NDRG4: variants seen among roughly 807,000 people sequenced by gnomAD.
NDRG4 encodes the protein protein NDRG4.
In NDRG4, 38 loss-of-function variants were observed where a neutral mutation model predicts 55.8. That is an observed-to-expected ratio of 0.68 (90% CI 0.53 to 0.89). The LOEUF is 0.89. NDRG4 is among the 40% of genes least tolerant of loss of function. The probability of loss-of-function intolerance (pLI) is 0.00; values close to 1 mark genes in which losing one functional copy is unlikely to be tolerated. For synonymous variants in NDRG4, 190 were observed against 182.7 expected (o/e 1.04, Z -0.32); for missense variants, 455 against 468.6 (o/e 0.97, Z 0.27).
intron 2 of NDRG4, among the ~76,000 whole-genome samples, chr16:58,488,676 A>T (rs1301894230): frequency 6.6e-6 from 1 of 151,900 alleles, no homozygotes; most frequent in Non-Finnish European, 1.5e-5. Flanking sequence ...CCAGGAGGGG[A>T]GCCCAGGAGC....
intron 2 of NDRG4, among the ~76,000 whole-genome samples, chr16:58,489,958 C>T (rs1383799511): frequency 1.3e-5 from 2 of 152,188 alleles, no homozygotes; most frequent in Non-Finnish European, 2.9e-5. Context: ...GATCCTCCTG[C>T]CTCAGCCTCC....
chr16:58,504,142 G>T lies in NDRG4; in HGVS notation c.128-12G>T, dbSNP rs2037532493. ...CCCTCTGCTCAGCCATAGTGGAAGT[G>T]TGTCTTTGCAGACAAACTATGCTTC... On this transcript the variant is annotated splice_polypyrimidine_tract_variant and intron_variant, in intron 2 of 14. Coordinates refer to ENST00000570248, the MANE Select transcript of NDRG4 (RefSeq NM_001242835.2). The T allele has an allele frequency of 5.0e-6, 8 of 1,613,920 alleles. No individual in the cohort carries two copies. Among genetic ancestry groups the T allele is most frequent in the Non-Finnish European group, 6.8e-6 (8 of 1,180,026 alleles).
In NDRG4 at chr16:58,506,492, G is replaced by T. The variant is rs2038030335; in HGVS notation, c.459+19G>T. The T allele has an allele frequency of 1.9e-6, 3 of 1,607,814 alleles. No homozygotes were observed. The highest frequency in any genetic ancestry group is 1.7e-5 in the Admixed American group (1 of 57,924). On this transcript the variant is annotated intron_variant, in intron 6 of 14. Transcript: ENST00000570248. The stretch of plus-strand genomic sequence containing the variant: ...CACCAAGGTGTGTGTGGTGACCGGG[G>T]GTGGGGTGGGTATACCTAGGGTGGG...
chr16:58,512,333 CTG>C lies in NDRG4; in HGVS notation c.*758_*759del, dbSNP rs1491447996. 9.0e-6 allele frequency: 3 copies of C among 332,594 alleles called. No individual in the cohort carries two copies. The highest frequency in any genetic ancestry group is 1.8e-5 in the Non-Finnish European group (3 of 170,076). The allele number at this position is 332,594 out of a possible 1,614,324, so 20.6% of individuals were successfully genotyped here. A position where few individuals can be genotyped will look rare whatever the true frequency, so the allele number is the denominator to read the frequency against. On this transcript the variant is annotated 3_prime_UTR_variant, in exon 15 of 15. Coordinates refer to ENST00000570248, the MANE Select transcript of NDRG4 (RefSeq NM_001242835.2). ...GTCCTCTGTCCCCACAGTGACCTGA[CTG>C]GGGGTGAGGGAGAAGGAGGAGAGAG...
chr16:58,482,817 T>G (rs1232971959), intron 1 of NDRG4, among the ~76,000 whole-genome samples: 1 of 151,300 alleles, frequency 6.6e-6, no homozygotes, highest in East Asian at 1.9e-4. Flanking sequence ...TTTCTTTCTT[T>G]TGACAGAGTC....
chr16:58,490,631 A>G (rs930699616), intron 2 of NDRG4, among the ~76,000 whole-genome samples: 11 of 152,142 alleles, frequency 7.2e-5, no homozygotes, highest in Non-Finnish European at 1.5e-4. Context: ...GAGTCAGCAC[A>G]GGCCCCATGC....
At chr16:58,483,112 C>A (rs1259471915) in intron 1 of NDRG4, among the ~76,000 whole-genome samples, 1 of 152,070 alleles carries the variant, frequency 6.6e-6, no homozygotes, top group East Asian at 1.9e-4. Flanking sequence ...AACACCCCCA[C>A]CATCTCCTAC....
chr16:58,471,186 CTTTTTTT>C lies in NDRG4; in HGVS notation c.-24+7409_-24+7415del, dbSNP rs528375397. Among the ~76,000 whole-genome samples, 67 of 67,078 alleles carry C rather than the reference CTTTTTTT, an allele frequency of 1.0e-3. 1 individual carries two copies. The highest frequency in any genetic ancestry group is 3.5e-3 in the African/African-American group (62 of 17,670). 44.0% of individuals were successfully genotyped at this position (67,078 alleles called of 152,430 possible). On this transcript the variant is annotated intron_variant, in intron 1 of 15. Transcript: ENST00000258187. ...ACTATAAGAGAATGAATGTGTGTTG[CTTTTTTT>C]TTTTTTTTTTTTTTTTTTTGGAGAC...
chr16:58,464,197 G>A lies in NDRG4; in HGVS notation c.-24+400G>A, dbSNP rs1309532210. ...AGTTCACCGGGACCAGGTGGCGGCG[G>A]GTGCCTTTTTGGGGGTGCGCGGCCA... On this transcript the variant is annotated intron_variant, in intron 1 of 15. Transcript: ENST00000258187. The surrounding 1 kb of genome is among the most constrained non-coding windows in gnomAD (Gnocchi z 4.8). 2.6e-6 allele frequency: 1 copy of A among 387,526 alleles called. No individual in the cohort carries two copies. The highest frequency in any genetic ancestry group is 3.7e-5 in the East Asian group (1 of 26,880). The allele number at this position is 387,526 out of a possible 1,614,324, so 24.0% of individuals were successfully genotyped here. A position where few individuals can be genotyped will look rare whatever the true frequency, so the allele number is the denominator to read the frequency against.
intron 5 of NDRG4, among the ~76,000 whole-genome samples, chr16:58,505,708 A>ATTTTTTTTTTTTTTT (rs869263659): frequency 9.9e-5 from 7 of 70,626 alleles, no homozygotes; most frequent in African/African-American, 3.7e-4. Flanking sequence ...TGAGGGCTTC[A>ATTTTTTTTTTTTTTT]TTTTCTTTTT....
At chr16:58,468,158 G>C (rs1020393207) in intron 1 of NDRG4, among the ~76,000 whole-genome samples, 3 of 152,222 alleles carry the variant, frequency 2.0e-5, no homozygotes, top group Non-Finnish European at 4.4e-5. Context: ...CCCATGGGTT[G>C]TCATGCCCAG....
intron 10 of NDRG4, among the ~76,000 whole-genome samples, chr16:58,508,719 C>G (rs1258282500): frequency 6.6e-6 from 1 of 152,222 alleles, no homozygotes; most frequent in Non-Finnish European, 1.5e-5. Flanking sequence ...ACTCCCACTC[C>G]TAGCAGTTGT....
At chr16:58,502,853 CCCAT>C (rs2037340168) in intron 1 of NDRG4, among the ~76,000 whole-genome samples, 1 of 152,184 alleles carries the variant, frequency 6.6e-6, no homozygotes, top group African/African-American at 2.4e-5. Context: ...TTGAAGTTTG[CCCAT>C]CCGAGTGGCT....
At chr16:58,478,791 G>T (rs1274231455) in intron 1 of NDRG4, among the ~76,000 whole-genome samples, 3 of 148,016 alleles carry the variant, frequency 2.0e-5, no homozygotes, top group African/African-American at 5.0e-5. Context: ...ACTGGCAGTG[G>T]TTTTTTTTTC....
At chr16:58,483,438 C>A (rs2034705624) in intron 1 of NDRG4, among the ~76,000 whole-genome samples, 1 of 152,096 alleles carries the variant, frequency 6.6e-6, no homozygotes, top group Non-Finnish European at 1.5e-5. Context: ...AACTGAAATG[C>A]AATTCCTCTT....
At chr16:58,468,825 C>T (rs181187945) in intron 1 of NDRG4, among the ~76,000 whole-genome samples, 1 of 152,322 alleles carries the variant, frequency 6.6e-6, no homozygotes, top group Admixed American at 6.5e-5. Flanking sequence ...TTCCTGGTGC[C>T]TTCGGTAGCC....
chr16:58,510,754 G>C, intron 14 of NDRG4, 71 bp downstream of exon 14: 5 of 1,383,072 alleles, frequency 3.6e-6, no homozygotes, highest in Middle Eastern at 1.7e-4. Flanking sequence ...CCTCTGCGCA[G>C]TGTGCTGCAG....
At chr16:58,482,390 C>T (rs1351011852) in intron 1 of NDRG4, among the ~76,000 whole-genome samples, 1 of 152,122 alleles carries the variant, frequency 6.6e-6, no homozygotes, top group Non-Finnish European at 1.5e-5. Context: ...TCTGGCTTCT[C>T]CTGAGCCCTC....
chr16:58,463,834 C>T (rs1478820086), intron 1 of NDRG4: 2 of 152,912 alleles, frequency 1.3e-5, no homozygotes, highest in Non-Finnish European at 2.9e-5. Flanking sequence ...AGCCCAGGGC[C>T]AGCTTCTCTC....
Sources: gnomAD v4.1 joint callset for allele counts (sites outside exome capture counted in the v4.1 genomes callset) on GRCh38, gnomAD v4.1.1 for gene constraint, Gnocchi (gnomAD v3.1) non-coding constraint, MANE v1.5 for transcripts, NCBI Gene and HGNC (gene_info 2026-07-23, HGNC 2026-07-21) for gene names.